The following GIGYF2 variants were observed in gnomAD, a reference collection of about 807,000 sequenced individuals.
The protein encoded by GIGYF2 is GRB10-interacting GYF protein 2.
GIGYF2 carries 25 observed loss-of-function variants against 208.1 expected under a neutral mutation model. The ratio of observed to expected loss-of-function variants is 0.12; its 90% CI spans 0.09 to 0.17. GIGYF2 has a LOEUF of 0.17. Ranked by LOEUF, GIGYF2 falls within the 10% of genes least tolerant of loss-of-function variation. The pLI, the probability that GIGYF2 is intolerant of heterozygous loss-of-function variation, is 1.00. For missense variants in GIGYF2, 1,302 were observed against 1,579.4 expected, an observed-to-expected ratio of 0.82 and a Z score of 2.98; for synonymous variants, 534 against 543.8, an observed-to-expected ratio of 0.98 and a Z score of 0.25.
At chr2:232,770,223 T>C (rs1344366325) in intron 8 of GIGYF2, among the ~76,000 whole-genome samples, 1 of 152,220 alleles carries the variant, frequency 6.6e-6, no homozygotes, top group African/African-American at 2.4e-5. Context: ...TATTATTGAA[T>C]AGTATATTAA....
At chr2:232,835,379 T>G (rs1701552164) in intron 22 of GIGYF2, among the ~76,000 whole-genome samples, 1 of 152,204 alleles carries the variant, frequency 6.6e-6, no homozygotes, top group South Asian at 2.1e-4. Context: ...CCTTTACTAC[T>G]TTAGTTATAG....
intron 5 of GIGYF2, among the ~76,000 whole-genome samples, chr2:232,749,839 G>C (rs1323078064): frequency 6.6e-6 from 1 of 151,972 alleles, no homozygotes; most frequent in Non-Finnish European, 1.5e-5. Flanking sequence ...AAAATCCTGG[G>C]CATTGGAAAG....
At chr2:232,797,125 T>G (rs1332261669) in intron 14 of GIGYF2, among the ~76,000 whole-genome samples, 1 of 151,690 alleles carries the variant, frequency 6.6e-6, no homozygotes, top group Non-Finnish European at 1.5e-5. Context: ...AGAGAACTAC[T>G]AAAAATGTCA....
At chr2:232,799,143 T>G (rs745777030) in intron 14 of GIGYF2, among the ~76,000 whole-genome samples, 1 of 152,098 alleles carries the variant, frequency 6.6e-6, no homozygotes, top group African/African-American at 2.4e-5. Context: ...TTTCCTTCCT[T>G]TTTAAGACTG....
chr2:232,854,445 A>G (rs1465053741), intron 28 of GIGYF2, among the ~76,000 whole-genome samples: 2 of 152,180 alleles, frequency 1.3e-5, no homozygotes, highest in African/African-American at 4.8e-5. Context: ...GTGAGCCAAG[A>G]TCACACCACT....
intron 2 of GIGYF2, among the ~76,000 whole-genome samples, chr2:232,729,146 C>G (rs1180641443): frequency 6.6e-6 from 1 of 151,994 alleles, no homozygotes; most frequent in Non-Finnish European, 1.5e-5. Context: ...GCGTGACTAA[C>G]TTTTGTATTT....
chr2:232,843,948 T>C, intron 23 of GIGYF2, 98 bp from the exon 24 acceptor site: 1 of 1,043,228 alleles, frequency 9.6e-7, no homozygotes, highest in East Asian at 2.4e-5. Flanking sequence ...TAATTTTATG[T>C]AGCTACTGTG....
chr2:232,700,318 A>T (rs1695785625), intron 1 of GIGYF2, among the ~76,000 whole-genome samples: 1 of 152,132 alleles, frequency 6.6e-6, no homozygotes, highest in Admixed American at 6.5e-5. Context: ...ATATCAGCTC[A>T]TTTGTTTTCA....
At position 232,822,244 on chromosome 2, in the gene GIGYF2, G is replaced by A. The variant is rs118166870; in HGVS notation, c.2529+2259G>A. ...TTTTAAGATATACTGAGGCTTCCAG[G>A]CAATGAACATGGTATAACTTTCCAT... On this transcript the variant is annotated intron_variant, in intron 21 of 28. Transcript: ENST00000373563. 1.1e-4 allele frequency among the ~76,000 whole-genome samples: 17 copies of A among 152,196 alleles called. No homozygotes were observed. The East Asian group carries it at 2.9e-3, about 26-fold the overall frequency.
intron 14 of GIGYF2, among the ~76,000 whole-genome samples, chr2:232,800,886 C>T (rs1227337040): frequency 6.7e-6 from 1 of 150,104 alleles, no homozygotes; most frequent in Non-Finnish European, 1.5e-5. Context: ...CCCTGTCTCT[C>T]GCTTTTTTTG....
At chr2:232,805,597 A>G (rs1700537653) in intron 14 of GIGYF2, among the ~76,000 whole-genome samples, 2 of 152,188 alleles carry the variant, frequency 1.3e-5, no homozygotes, top group Admixed American at 6.5e-5. Context: ...TAGATAGCAT[A>G]CTATTAGGTC....
chr2:232,785,322 G>T (rs1322147053), intron 8 of GIGYF2, among the ~76,000 whole-genome samples: 1 of 152,136 alleles, frequency 6.6e-6, no homozygotes, highest in Admixed American at 6.5e-5. Context: ...TAGCTGGGTG[G>T]TTCTGGCCCA....
intron 8 of GIGYF2, among the ~76,000 whole-genome samples, chr2:232,775,745 G>C (rs535608034): frequency 9.2e-5 from 14 of 152,296 alleles, no homozygotes; most frequent in Admixed American, 3.3e-4. Flanking sequence ...ATAAAAAATA[G>C]TATAGTTCAT....
intron 9 of GIGYF2, among the ~76,000 whole-genome samples, chr2:232,788,773 C>T (rs537923211): frequency 6.6e-6 from 1 of 152,186 alleles, no homozygotes; most frequent in South Asian, 2.1e-4. Context: ...TCATTTTTGT[C>T]ATCAACTTGT....
rs57307878 is a variant in GIGYF2 at position 232,841,461 on chromosome 2, ATT to A, written c.2889+1512_2889+1513del. On this transcript the variant is annotated intron_variant, in intron 23 of 28. Transcript: ENST00000373563. ...CAGGCACTTGCCACCACCACCAGCT[ATT>A]TTTTTTTTTTTTTTTTTTTTTAAGT... Among the ~76,000 whole-genome samples the A allele has an allele frequency of 8.4e-3, 1,163 of 138,712 alleles. 12 individuals carry two copies. The highest frequency in any genetic ancestry group is 0.027 in the African/African-American group (1,030 of 37,496). 91.0% of individuals were successfully genotyped at this position (138,712 alleles called of 152,430 possible).
chr2:232,795,186 CTTTTCTT>C (rs1461948814), intron 13 of GIGYF2, among the ~76,000 whole-genome samples: 18 of 152,146 alleles, frequency 1.2e-4, no homozygotes, highest in Non-Finnish European at 2.2e-4. Context: ...TAGCTATTTA[CTTTTCTT>C]TTTTCTTTTT....
intron 1 of GIGYF2, among the ~76,000 whole-genome samples, chr2:232,701,470 C>T (rs1007860182): frequency 6.7e-6 from 1 of 149,846 alleles, no homozygotes. Flanking sequence ...TGCTCTGTCA[C>T]CTAGGCTGGA....
At chr2:232,704,343 G>C (rs1462128734) in intron 2 of GIGYF2, among the ~76,000 whole-genome samples, 1 of 152,060 alleles carries the variant, frequency 6.6e-6, no homozygotes, top group Non-Finnish European at 1.5e-5. Flanking sequence ...TCTATCTTTT[G>C]GTGAACGAGG....
chr2:232,804,911 A>G (rs1700513392), intron 14 of GIGYF2, among the ~76,000 whole-genome samples: 1 of 148,906 alleles, frequency 6.7e-6, no homozygotes, highest in African/African-American at 2.5e-5. Context: ...GATTTCTGTT[A>G]TTTTTCTTTT....
Sources: allele counts gnomAD v4.1 joint callset (sites outside exome capture counted in the v4.1 genomes callset), GRCh38; gene constraint gnomAD v4.1.1; transcripts MANE v1.5; gene names NCBI Gene and HGNC (gene_info 2026-07-23, HGNC 2026-07-21).